Variants in INPP5B observed in about 807,000 individuals in gnomAD.
INPP5B encodes type II inositol 1,4,5-trisphosphate 5-phosphatase.
A neutral mutation model predicts 118.5 loss-of-function variants in INPP5B; 90 were observed. That is an observed-to-expected ratio of 0.76 (90% confidence interval 0.64 to 0.90). The LOEUF (loss-of-function observed/expected upper bound fraction) is 0.90. Among genes scored for constraint, INPP5B ranks in the 40% least tolerant of loss-of-function variants. INPP5B has a pLI of 0.00. For missense variants in INPP5B, 984 were observed against 1,125.6 expected (o/e 0.87, Z 1.80); for synonymous variants, 385 against 418.9 (o/e 0.92, Z 0.99).
In INPP5B at chr1:37,883,387, TTTATAGTGGA is replaced by T. The variant is rs1643325962; in HGVS notation, c.1320-479_1320-470del. 5 of 985,284 alleles carry T rather than the reference TTTATAGTGGA, an allele frequency of 5.1e-6. No homozygotes were observed. The South Asian group carries it at 2.3e-4, about 46-fold the overall frequency. 61.0% of individuals were successfully genotyped at this position (985,284 alleles called of 1,614,324 possible). A position where few individuals can be genotyped will look rare whatever the true frequency, so the allele number is the denominator to read the frequency against. On this transcript the variant is annotated intron_variant, in intron 13 of 23. Transcript: ENST00000373024. ...AGTTCCTCTGAAACAAAGTTCAAACTTTATAGTGGAGCCTGGATTTAACCAGCAGTATATC... is the reference window on the plus strand; with the variant it reads ...AGTTCCTCTGAAACAAAGTTCAAACTGCCTGGATTTAACCAGCAGTATATC...
chr1:37,907,245 T>C lies in INPP5B; in HGVS notation c.533-15791A>G, dbSNP rs956011767. 2.0e-5 allele frequency among the ~76,000 whole-genome samples: 3 copies of C among 152,234 alleles called. No individual in the cohort carries two copies. Among genetic ancestry groups the C allele is most frequent in the African/African-American group, 7.2e-5 (3 of 41,458 alleles). On this transcript the variant is annotated intron_variant, in intron 7 of 23. Coordinates refer to ENST00000373024, the MANE Select transcript of INPP5B (RefSeq NM_005540.3). The surrounding 1 kb of genome is among the most constrained non-coding windows in gnomAD (Gnocchi z 4.3). ...TAAGCTTACTGAATGTTTTCTTAAA[T>C]TGAACACTTATTAATCTTCCAGATA... is the stretch of plus-strand genomic sequence containing the variant.
At chr1:37,922,672 G>C (rs181660181) in intron 7 of INPP5B, among the ~76,000 whole-genome samples, 91 of 152,236 alleles carry the variant, frequency 6.0e-4, no homozygotes, top group African/African-American at 2.1e-3. Context: ...GTCCAGCCTG[G>C]GTGACACAGC....
chr1:37,880,617 T>C (rs915860211), intron 14 of INPP5B, among the ~76,000 whole-genome samples: 1 of 152,134 alleles, frequency 6.6e-6, no homozygotes, highest in African/African-American at 2.4e-5. Flanking sequence ...TTTGTATTTT[T>C]AGTAGAGACA....
chr1:37,945,061 G>A (rs1646068257), intron 3 of INPP5B, among the ~76,000 whole-genome samples: 1 of 152,106 alleles, frequency 6.6e-6, no homozygotes, highest in Non-Finnish European at 1.5e-5. Flanking sequence ...CTGAGGCCAG[G>A]AGTTCCAGCA....
chr1:37,884,481 C>A (rs1459212529), intron 13 of INPP5B, among the ~76,000 whole-genome samples: 1 of 151,970 alleles, frequency 6.6e-6, no homozygotes, highest in East Asian at 1.9e-4. Flanking sequence ...CAGGTTCTTA[C>A]TATGTTGCCC....
At chr1:37,878,889 A>G (rs1643010815) in intron 15 of INPP5B, among the ~76,000 whole-genome samples, 1 of 150,662 alleles carries the variant, frequency 6.6e-6, no homozygotes, top group African/African-American at 2.4e-5. Flanking sequence ...AGCTCAGGCA[A>G]TCTGCCCGCC....
intron 6 of INPP5B, among the ~76,000 whole-genome samples, chr1:37,939,634 G>A (rs1357043446): frequency 2.4e-5 from 3 of 123,722 alleles, no homozygotes; most frequent in South Asian, 2.8e-4. Flanking sequence ...TAGTAGAGAC[G>A]GGGTTTCACC....
chr1:37,882,605 G>A (rs766638789), intron 14 of INPP5B, among the ~76,000 whole-genome samples: 1 of 152,162 alleles, frequency 6.6e-6, no homozygotes, highest in Non-Finnish European at 1.5e-5. Context: ...AGGAGACAAG[G>A]TGCTTCAGGA....
chr1:37,943,977 C>G, intron 3 of INPP5B, 84 bp from the exon 4 acceptor site: 1 of 948,736 alleles, frequency 1.1e-6, no homozygotes, highest in South Asian at 1.3e-5. Flanking sequence ...TGCTCACACT[C>G]GCTCGTTGGT....
At chr1:37,901,239 T>C (rs1644321525) in intron 7 of INPP5B, among the ~76,000 whole-genome samples, 1 of 152,208 alleles carries the variant, frequency 6.6e-6, no homozygotes, top group African/African-American at 2.4e-5. Context: ...ACTCTATGTA[T>C]TAAGTACAGC....
intron 11 of INPP5B, 73 bp downstream of exon 11, chr1:37,887,278 A>G: frequency 1.0e-6 from 1 of 957,846 alleles, no homozygotes; most frequent in East Asian, 2.4e-5. Context: ...AGGTCATGGA[A>G]AAGGTGAAAA....
At chr1:37,914,024 C>T (rs981024531) in intron 7 of INPP5B, among the ~76,000 whole-genome samples, 2 of 151,932 alleles carry the variant, frequency 1.3e-5, no homozygotes, top group Admixed American at 1.3e-4. Context: ...CTTTGTACAC[C>T]TATCCCAAAC....
At chr1:37,933,198 T>A (rs759095462) in intron 6 of INPP5B, among the ~76,000 whole-genome samples, 21 of 152,204 alleles carry the variant, frequency 1.4e-4, no homozygotes, top group Non-Finnish European at 1.3e-4. Flanking sequence ...AAAACTTGGC[T>A]TATTGAAGAA....
intron 7 of INPP5B, among the ~76,000 whole-genome samples, chr1:37,905,671 G>A (rs949650074): frequency 3.3e-5 from 5 of 152,184 alleles, no homozygotes; most frequent in African/African-American, 1.2e-4. Flanking sequence ...ATAGGAATTT[G>A]AAAAGTGCTC....
At chr1:37,928,376 T>C (rs1645321844) in intron 7 of INPP5B, among the ~76,000 whole-genome samples, 2 of 151,870 alleles carry the variant, frequency 1.3e-5, no homozygotes, top group Non-Finnish European at 2.9e-5. Flanking sequence ...TTTTGTTTTG[T>C]TTTGTTTTGA....
chr1:37,912,071 C>T (rs1325016230), intron 7 of INPP5B, among the ~76,000 whole-genome samples: 1 of 152,238 alleles, frequency 6.6e-6, no homozygotes, highest in Non-Finnish European at 1.5e-5. Context: ...CAACTATCTT[C>T]CAGTCCTCCA....
Position 37,872,986 on chromosome 1 carries a change from G to T in INPP5B, c.2131C>A (p.Leu711Met). The T allele has an allele frequency of 6.2e-7, 1 of 1,614,166 alleles. No individual in the cohort carries two copies. Among genetic ancestry groups the T allele is most frequent in the Non-Finnish European group, 8.5e-7 (1 of 1,180,024 alleles). Reference protein sequence around the residue: ...PSCFGSPIHTLCYMREPILDL... With the variant: ...PSCFGSPIHTMCYMREPILDL... The stretch of plus-strand genomic sequence containing the variant: ...AAGATTGGCTCTCTCATGTAACACA[G>T]TGTATGAATGGGAGACCCAAAACAG... The change falls in exon 19 of 24, where the codon CTG (leucine) becomes ATG (methionine). Residue 711 changes from leucine (L) to methionine (M), a missense_variant. Physicochemically the swap from Leu to Met is conservative, Grantham distance 15. Around this residue, in one of 2 missense-constraint regions of INPP5B, gnomAD observed 634 missense variants for 791.0 expected, o/e 0.80. Coordinates refer to ENST00000373024, the MANE Select transcript of INPP5B (RefSeq NM_005540.3).
Position 37,919,581 on chromosome 1 carries a change from T to C in INPP5B, c.532+12332A>G, listed in dbSNP as rs78219769. Among the ~76,000 whole-genome samples the C allele has an allele frequency of 3.3e-5, 5 of 152,280 alleles. No homozygotes were observed. In the East Asian group the frequency reaches 9.6e-4, roughly 29 times the overall value. On this transcript the variant is annotated intron_variant, in intron 7 of 23. Transcript: ENST00000373024. Reference sequence around the variant, plus strand: ...CCACTCTAGATCCAACTACCTAGAATACAAGTCAGGCTCTGTTGATGATGA... The same window carrying C: ...CCACTCTAGATCCAACTACCTAGAACACAAGTCAGGCTCTGTTGATGATGA...
chr1:37,922,592 A>T (rs1356364783), intron 7 of INPP5B, among the ~76,000 whole-genome samples: 1 of 152,128 alleles, frequency 6.6e-6, no homozygotes, highest in Non-Finnish European at 1.5e-5. Context: ...GCTACTTGGG[A>T]GGCTGAGGCA....
Sources: gnomAD v4.1 joint callset for allele counts (sites outside exome capture counted in the v4.1 genomes callset) on GRCh38, gnomAD v4.1.1 for gene constraint, gnomAD v4.1.1 regional missense constraint, Gnocchi (gnomAD v3.1) non-coding constraint, MANE v1.5 for transcripts, NCBI Gene and HGNC (gene_info 2026-07-23, HGNC 2026-07-21) for gene names.